Variants in ERO1B observed in about 807,000 individuals in gnomAD.
The protein encoded by ERO1B is ERO1-like protein beta.
ERO1B carries 49 observed loss-of-function variants against 75.3 expected under a neutral mutation model. The observed-to-expected ratio is 0.65, with a 90% confidence interval of 0.52 to 0.83. The LOEUF (loss-of-function observed/expected upper bound fraction) is 0.83, where lower values mean the gene tolerates loss of function less well. ERO1B is among the 40% of genes least tolerant of loss of function. The pLI, the probability that ERO1B is intolerant of heterozygous loss-of-function variation, is 0.00. For missense variants in ERO1B, 512 were observed against 560.1 expected, an observed-to-expected ratio of 0.91 and a Z score of 0.87; for synonymous variants, 191 against 192.9, an observed-to-expected ratio of 0.99 and a Z score of 0.08.
chr1:236,225,173 A>G lies in ERO1B; in HGVS notation c.1053-34T>C, dbSNP rs766494941. ...ATGATAGTATTGGATTAAGTTACAC[A>G]TGAAAAATCCACGTACTCTGTATCA... On this transcript the variant is annotated intron_variant, in intron 12 of 15. Coordinates refer to ENST00000354619, the MANE Select transcript of ERO1B (RefSeq NM_019891.4). 6.3e-6 allele frequency: 10 copies of G among 1,599,060 alleles called. No homozygotes were observed. In the East Asian group the frequency reaches 2.0e-4, roughly 32 times the overall value.
intron 4 of ERO1B, among the ~76,000 whole-genome samples, chr1:236,251,183 T>C (rs1665016940): frequency 6.7e-6 from 1 of 149,860 alleles, no homozygotes. Flanking sequence ...CCTAAAGAAA[T>C]AGAAAAATAT....
chr1:236,255,590 A>C (rs1473829813), intron 2 of ERO1B, among the ~76,000 whole-genome samples: 1 of 152,196 alleles, frequency 6.6e-6, no homozygotes, highest in African/African-American at 2.4e-5. Flanking sequence ...ACAGAGAAGA[A>C]GGCAAAAATA....
Position 236,268,053 on chromosome 1 carries a change from T to C in ERO1B, c.222+1822A>G, listed in dbSNP as rs1665491014. ...ACTCAATAGTCTATTTAGGTATAGATTACTCTTTGAAATAAATTCATGAAA... is the reference window on the plus strand; with the variant it reads ...ACTCAATAGTCTATTTAGGTATAGACTACTCTTTGAAATAAATTCATGAAA... On this transcript the variant is annotated intron_variant, in intron 2 of 15. Transcript: ENST00000354619. 2.0e-5 allele frequency: 3 copies of C among 152,318 alleles called. No homozygotes were observed. The Middle Eastern group carries it at 0.01, about 518-fold the overall frequency. The allele number at this position is 152,318 out of a possible 1,614,324, so 9.4% of individuals were successfully genotyped here.
intron 2 of ERO1B, among the ~76,000 whole-genome samples, chr1:236,260,372 A>T (rs1665267580): frequency 6.6e-6 from 1 of 152,178 alleles, no homozygotes; most frequent in Non-Finnish European, 1.5e-5. Context: ...TCAAAGAAAG[A>T]CGAGGCACTG....
chr1:236,221,251 T>G (rs1434341253), intron 14 of ERO1B, among the ~76,000 whole-genome samples: 2 of 152,176 alleles, frequency 1.3e-5, no homozygotes, highest in African/African-American at 4.8e-5. Context: ...ATATTAGGAT[T>G]ACAATGTTCA....
At chr1:236,270,163 A>G (rs1249852078) in intron 1 of ERO1B, among the ~76,000 whole-genome samples, 169 bp from the exon 2 acceptor site, 1 of 152,210 alleles carries the variant, frequency 6.6e-6, no homozygotes, top group Non-Finnish European at 1.5e-5. Flanking sequence ...ATGAGATAAA[A>G]AACAATAGAA....
At chr1:236,251,529 GGGTAT>G in intron 4 of ERO1B, 2 of 916,204 alleles carry the variant, frequency 2.2e-6, no homozygotes, top group Non-Finnish European at 2.6e-6. Context: ...CAGAGAGAGA[GGGTAT>G]GATGATCTTT....
intron 2 of ERO1B, among the ~76,000 whole-genome samples, chr1:236,258,324 G>A (rs1749577): frequency 0.25 from 37,652 of 151,888 alleles, 4,850 homozygotes; most frequent in East Asian, 0.38. Context: ...GGAACTTCCA[G>A]TAAATTATAG....
chr1:236,253,549 G>T (rs1273144335), intron 2 of ERO1B, 44 bp from the exon 3 acceptor site: 5 of 1,302,448 alleles, frequency 3.8e-6, no homozygotes, highest in Non-Finnish European at 5.5e-6. Flanking sequence ...TTATAGTTAT[G>T]GGGTGCTCTC....
chr1:236,226,203 A>T, intron 12 of ERO1B, 66 bp downstream of exon 12: 1 of 1,543,046 alleles, frequency 6.5e-7, no homozygotes, highest in South Asian at 1.2e-5. Flanking sequence ...GTTTTTGTGT[A>T]CTTTAAGTGC....
At chr1:236,218,815 A>C (rs369652762) in intron 15 of ERO1B, among the ~76,000 whole-genome samples, 6 of 152,210 alleles carry the variant, frequency 3.9e-5, no homozygotes, top group African/African-American at 1.2e-4. Flanking sequence ...AGTGATATGA[A>C]TAATTCTTAA....
At chr1:236,268,772 G>C (rs1412895304) in intron 2 of ERO1B, among the ~76,000 whole-genome samples, 1 of 152,040 alleles carries the variant, frequency 6.6e-6, no homozygotes, top group Non-Finnish European at 1.5e-5. Flanking sequence ...TGTAGTCCCA[G>C]CTACTCGGGA....
In ERO1B at chr1:236,253,502, T is replaced by C. The variant is rs144519722; in HGVS notation, c.226A>G (p.Asn76Asp). 9 of 1,602,156 alleles carry C rather than the reference T, an allele frequency of 5.6e-6. No individual in the cohort carries two copies. Among genetic ancestry groups the C allele is most frequent in the Non-Finnish European group, 7.7e-6 (9 of 1,171,838 alleles). ...ERDYFRYYKV[N>D]LKRPCPFWAE... ...CAGAAAGGACAAGGTCGCTTCAGATTAACCTTGAAAGAAAGAACAAAGTTA... is the reference window on the plus strand; with the variant it reads ...CAGAAAGGACAAGGTCGCTTCAGATCAACCTTGAAAGAAAGAACAAAGTTA... Residue 76 changes from asparagine to aspartate, a missense_variant, in exon 3 of 16, where the codon AAT (asparagine) becomes GAT (aspartate). By Grantham distance (23) the Asn-to-Asp change is conservative. Coordinates refer to ENST00000354619, the MANE Select transcript of ERO1B (RefSeq NM_019891.4).
chr1:236,276,950 G>C (rs1021096753), intron 1 of ERO1B, among the ~76,000 whole-genome samples: 3 of 152,182 alleles, frequency 2.0e-5, no homozygotes, highest in African/African-American at 7.2e-5. Context: ...TCTCCTGATA[G>C]TGAGCTCTCA....
intron 1 of ERO1B, among the ~76,000 whole-genome samples, chr1:236,279,946 C>A (rs760812008): frequency 5.9e-5 from 9 of 151,704 alleles, no homozygotes; most frequent in South Asian, 4.2e-4. Context: ...ATTCACAAAT[C>A]TTTAACTGTT....
Position 236,232,823 on chromosome 1 carries a change from C to G in ERO1B, c.685+5G>C. On this transcript the variant is annotated splice_donor_5th_base_variant and intron_variant, in intron 9 of 15. Coordinates refer to ENST00000354619, the MANE Select transcript of ERO1B (RefSeq NM_019891.4). ...TTGAAACAAACAAACATGAGTTTTG[C>G]TCACCATCATCTTCGCCTAAAAGAG... 1.9e-6 allele frequency: 3 copies of G among 1,594,570 alleles called. No homozygotes were observed. Among genetic ancestry groups the G allele is most frequent in the Non-Finnish European group, 2.6e-6 (3 of 1,170,288 alleles).
At chr1:236,221,622 T>A (rs1369367414) in intron 14 of ERO1B, among the ~76,000 whole-genome samples, 2 of 152,214 alleles carry the variant, frequency 1.3e-5, no homozygotes, top group African/African-American at 4.8e-5. Flanking sequence ...TATATACATA[T>A]GTAAAATACG....
intron 5 of ERO1B, among the ~76,000 whole-genome samples, chr1:236,243,999 G>GT (rs1308232906): frequency 2.0e-5 from 3 of 152,046 alleles, no homozygotes; most frequent in Admixed American, 2.0e-4. Flanking sequence ...TTATCATGGT[G>GT]TATCACTCGT....
intron 10 of ERO1B, 98 bp downstream of exon 10, chr1:236,230,126 G>T: frequency 1.1e-6 from 1 of 882,096 alleles, no homozygotes; most frequent in Non-Finnish European, 1.8e-6. Flanking sequence ...GTCAAAATTA[G>T]TTGACTAGGT....
Sources: allele counts gnomAD v4.1 joint callset (sites outside exome capture counted in the v4.1 genomes callset), GRCh38; gene constraint gnomAD v4.1.1; transcripts MANE v1.5; gene names NCBI Gene and HGNC (gene_info 2026-07-23, HGNC 2026-07-21).